The following EXOC3 variants were observed in gnomAD, a reference collection of about 807,000 sequenced individuals.
The protein encoded by EXOC3 is SEC6-like 1.
In EXOC3, 21 loss-of-function variants were observed where a neutral mutation model predicts 73.7. That is an observed-to-expected ratio of 0.29 (90% confidence interval 0.20 to 0.41). The LOEUF is 0.41. EXOC3 is among the 10% of genes least tolerant of loss of function. EXOC3 has a pLI of 1.00. For missense variants in EXOC3, 842 were observed against 985.1 expected, an observed-to-expected ratio of 0.85 and a Z score of 1.95; for synonymous variants, 410 against 389.1, an observed-to-expected ratio of 1.05 and a Z score of -0.63.
chr5:450,560 T>G (rs1297240221), intron 3 of EXOC3, among the ~76,000 whole-genome samples: 1 of 152,230 alleles, frequency 6.6e-6, no homozygotes, highest in African/African-American at 2.4e-5. Context: ...TTGGTTGCAT[T>G]GTTCAAGTCC....
chr5:457,277 G>A (rs1371154067), intron 5 of EXOC3: 9 of 467,630 alleles, frequency 1.9e-5, no homozygotes, highest in Admixed American at 1.0e-4. Context: ...GGCCCAGAAC[G>A]TCTGAACCGT....
chr5:451,009 A>G (rs1737645633), intron 3 of EXOC3, among the ~76,000 whole-genome samples: 1 of 152,106 alleles, frequency 6.6e-6, no homozygotes, highest in East Asian at 1.9e-4. Context: ...GAAGATTTTA[A>G]TTAATTTTGC....
intron 7 of EXOC3, among the ~76,000 whole-genome samples, chr5:460,031 T>C (rs1464192938): frequency 6.6e-6 from 1 of 152,250 alleles, no homozygotes; most frequent in East Asian, 1.9e-4. Context: ...CTCTCTCTGC[T>C]GAAGTACCTT....
intron 12 of EXOC3, 199 bp from the exon 13 acceptor site, chr5:466,528 T>C: frequency 1.8e-6 from 1 of 558,142 alleles, no homozygotes. Context: ...AAAATCTTTC[T>C]GCAATTGGAT....
At chr5:461,154 G>A (rs1319108962) in intron 7 of EXOC3, among the ~76,000 whole-genome samples, 2 of 132,612 alleles carry the variant, frequency 1.5e-5, no homozygotes, top group African/African-American at 3.1e-5. Context: ...TAGGTGAAGT[G>A]TATAGTAAAT....
intron 7 of EXOC3, 199 bp from the exon 8 acceptor site, chr5:461,761 T>G (rs1378216362): frequency 1.8e-6 from 1 of 566,774 alleles, no homozygotes; most frequent in South Asian, 2.3e-5. Context: ...GGTGAAGTTA[T>G]TTTTTGATCC....
At chr5:461,932 T>C (rs781688902) in intron 7 of EXOC3, 28 bp from the exon 8 acceptor site, 6 of 1,516,498 alleles carry the variant, frequency 4.0e-6, no homozygotes, top group Non-Finnish European at 4.5e-6. Flanking sequence ...CCCTTAGTGC[T>C]GTCTGACCGA....
Position 443,247 on chromosome 5 carries a change from C to T in EXOC3, c.-100C>T, listed in dbSNP as rs11134039. 1.6e-4 allele frequency: 1 copy of T among 6,332 alleles called. No homozygotes were observed. The highest frequency in any genetic ancestry group is 5.2e-4 in the Non-Finnish European group (1 of 1,936). 0.4% of individuals were successfully genotyped at this position (6,332 alleles called of 1,614,324 possible). On this transcript the variant is annotated 5_prime_UTR_variant, in exon 1 of 13. Transcript: ENST00000512944. ...GCGGCGGGGGCGGCGGCGGCGGCGGCGGCGGCGGCGGCGGCGGCGGCGGCG... is the reference window on the plus strand; with the variant it reads ...GCGGCGGGGGCGGCGGCGGCGGCGGTGGCGGCGGCGGCGGCGGCGGCGGCG...
intron 1 of EXOC3, among the ~76,000 whole-genome samples, chr5:443,988 C>T (rs190492647): frequency 7.6e-4 from 116 of 151,960 alleles, no homozygotes; most frequent in Admixed American, 1.5e-3. Flanking sequence ...CCGTGAGGTG[C>T]CTCCCAGCAC....
intron 7 of EXOC3, among the ~76,000 whole-genome samples, chr5:461,356 T>C (rs1181028335): frequency 6.6e-6 from 1 of 152,232 alleles, no homozygotes; most frequent in Non-Finnish European, 1.5e-5. Flanking sequence ...GGCTTACGCC[T>C]GTAATCCCAG....
chr5:451,711 C>T (rs1737664003), intron 3 of EXOC3, among the ~76,000 whole-genome samples: 1 of 152,210 alleles, frequency 6.6e-6, no homozygotes, highest in African/African-American at 2.4e-5. Flanking sequence ...ACCAGTGGGA[C>T]TCTATTTAAG....
rs1252344879 is a variant in EXOC3, at chr5:466,660, G to A, written c.2067-67G>A. ...GTCAGCTGGGGTGGTGAAGCCGTGA[G>A]TCCCTGGCAGCGTGGTGCATCACAG... On this transcript the variant is annotated intron_variant, in intron 12 of 12. Coordinates refer to ENST00000512944, the MANE Select transcript of EXOC3 (RefSeq NM_007277.5). 6 of 1,507,164 alleles carry A rather than the reference G, an allele frequency of 4.0e-6. No homozygotes were observed. The East Asian group carries it at 1.2e-4, about 29-fold the overall frequency. The allele number at this position is 1,507,164 out of a possible 1,614,324, so 93.4% of individuals were successfully genotyped here. A position where few individuals can be genotyped will look rare whatever the true frequency, so the allele number is the denominator to read the frequency against.
chr5:448,244 G>T (rs76878181), intron 3 of EXOC3, among the ~76,000 whole-genome samples: 3,861 of 152,308 alleles, frequency 0.025, 98 homozygotes, highest in Admixed American at 0.055. Context: ...TGAGCGCCGT[G>T]GGGGAGTGAC....
rs1560939080 is a variant in EXOC3 at position 459,387 on chromosome 5, C to G, written c.1319C>G (p.Ala440Gly). ...TTTGAACAGAATCTTCAAGTTGCTG[C>G]TCAGATAAGTGAAGATTTGAAAACA... ...QMFEQNLQVA[A>G]QISEDLKTKV... The change falls in exon 7 of 13, where the codon GCT (alanine) becomes GGT (glycine). Residue 440 changes from alanine to glycine, a missense_variant. Physicochemically the swap from Ala to Gly is moderately conservative, Grantham distance 60 (BLOSUM62 0). Coordinates refer to ENST00000512944, the MANE Select transcript of EXOC3 (RefSeq NM_007277.5). The G allele has an allele frequency of 1.3e-6, 2 of 1,567,478 alleles. No homozygotes were observed. Among genetic ancestry groups the G allele is most frequent in the Middle Eastern group, 1.7e-4 (1 of 5,992 alleles).
intron 2 of EXOC3, chr5:447,299 C>G: frequency 2.0e-6 from 1 of 499,738 alleles, no homozygotes; most frequent in Non-Finnish European, 3.6e-6. Flanking sequence ...CTGACCTTTT[C>G]TCATCAAGGC....
chr5:453,284 C>T, intron 3 of EXOC3, 86 bp from the exon 4 acceptor site: 1 of 992,684 alleles, frequency 1.0e-6, no homozygotes. Context: ...TGGCTTCCTG[C>T]TCTGCCGTGT....
chr5:463,968 C>T (rs1237122879), intron 9 of EXOC3, among the ~76,000 whole-genome samples: 1 of 152,276 alleles, frequency 6.6e-6, no homozygotes, highest in African/African-American at 2.4e-5. Context: ...TTAAAGTACA[C>T]ATTTGCAGAT....
intron 3 of EXOC3, among the ~76,000 whole-genome samples, chr5:449,872 G>A (rs935317767): frequency 1.3e-4 from 20 of 152,140 alleles, no homozygotes; most frequent in African/African-American, 4.8e-4. Flanking sequence ...TGTTTCCTCC[G>A]GTGGCTGCAG....
intron 10 of EXOC3, 101 bp from the exon 11 acceptor site, chr5:465,010 G>C: frequency 7.8e-7 from 1 of 1,279,736 alleles, no homozygotes; most frequent in South Asian, 1.5e-5. Context: ...TGGGCTCAGA[G>C]CCTCCGGGGA....
Sources: allele counts gnomAD v4.1 joint callset (sites outside exome capture counted in the v4.1 genomes callset), GRCh38; gene constraint gnomAD v4.1.1; transcripts MANE v1.5; gene names NCBI Gene and HGNC (gene_info 2026-07-23, HGNC 2026-07-21).